Variants in ABCC6 observed in about 807,000 individuals in gnomAD.
The protein encoded by ABCC6 is ATP-binding cassette sub-family C member 6.
ABCC6 carries 126 observed loss-of-function variants against 169.5 expected under a neutral mutation model. That is an observed-to-expected ratio of 0.74 (90% CI 0.64 to 0.86). ABCC6 has a LOEUF of 0.86. Among genes scored for constraint, ABCC6 ranks in the 40% least tolerant of loss-of-function variants. The pLI is 0.00. For missense variants in ABCC6, 1,733 were observed against 1,927.2 expected (o/e 0.90, Z 1.89); for synonymous variants, 752 against 814.7 (o/e 0.92, Z 1.31).
At position 16,203,439 on chromosome 16, in the gene ABCC6, G is replaced by A. The variant is rs766579912; in HGVS notation, c.969C>T (p.Val323=). Residue 323 remains valine (V), a synonymous_variant, in exon 8 of 31, where the codon GTC becomes GTT. Transcript: ENST00000205557. ...GCAGCTTGGGGACAGTGAACCTGAAGACATCACTGATGATGAGGCTGAGGG... is the reference window on the plus strand; with the variant it reads ...GCAGCTTGGGGACAGTGAACCTGAAAACATCACTGATGATGAGGCTGAGGG... ...LGTLSLIISD[V]FRFTVPKLLS... 2.5e-6 allele frequency: 4 copies of A among 1,613,934 alleles called. No homozygotes were observed. The highest frequency in any genetic ancestry group is 2.2e-5 in the East Asian group (1 of 44,876).
In ABCC6 at chr16:16,150,603, G is replaced by A; in HGVS notation, c.4378C>T (p.Leu1460=). ...QCTVLLIAHR[L]RSVMDCARVL... is the part of the protein sequence containing the mutation. Reference sequence around the variant, plus strand: ...CGGGCACAGTCCATCACGGAGCGCAGGCGGTGGGCAATGAGCAGCACAGTG... The same window carrying A: ...CGGGCACAGTCCATCACGGAGCGCAAGCGGTGGGCAATGAGCAGCACAGTG... Residue 1460 remains leucine, a synonymous_variant, in exon 30 of 31, where the codon CTG becomes TTG. Coordinates refer to ENST00000205557, the MANE Select transcript of ABCC6 (RefSeq NM_001171.6). The A allele has an allele frequency of 6.2e-7, 1 of 1,612,592 alleles. No individual in the cohort carries two copies. Among genetic ancestry groups the A allele is most frequent in the Middle Eastern group, 1.7e-4 (1 of 5,970 alleles).
rs1445629925 is a variant in ABCC6 at position 16,187,221 on chromosome 16, C to A, written c.1780-10G>T. ...CAAAGGACACCCGGGCCTAGGAAAA[C>A]CGAAGCCGCAGGTCACCCAGCAAGA... On this transcript the variant is annotated splice_polypyrimidine_tract_variant and intron_variant, in intron 13 of 30. Coordinates refer to ENST00000205557, the MANE Select transcript of ABCC6 (RefSeq NM_001171.6). 3 of 1,611,808 alleles carry A rather than the reference C, an allele frequency of 1.9e-6. No homozygotes were observed. Among genetic ancestry groups the A allele is most frequent in the Non-Finnish European group, 2.5e-6 (3 of 1,178,978 alleles).
At chr16:16,191,795 C>CTTCCTCTCCTCCTTTCCTT (rs2047867857) in intron 11 of ABCC6, among the ~76,000 whole-genome samples, 1 of 150,768 alleles carries the variant, frequency 6.6e-6, no homozygotes, top group Non-Finnish European at 1.5e-5. Flanking sequence ...TCCCCTCCCT[C>CTTCCTCTCCTCCTTTCCTT]CTTCCTCTCC....
Position 16,155,004 on chromosome 16 carries a change from C to T in ABCC6, c.3910G>A (p.Gly1304Arg). The T allele has an allele frequency of 1.3e-6, 2 of 1,563,716 alleles. No individual in the cohort carries two copies. The highest frequency in any genetic ancestry group is 8.7e-7 in the Non-Finnish European group (1 of 1,154,598). ...KVGIVGRTGAGKSSLASGLLR... is the reference protein window; with the variant it reads ...KVGIVGRTGARKSSLASGLLR... ...AGCCCACTGGCCAGGGAGGACTTCC[C>T]TGCCCCGGTCCTGCCAACGATGCCC... The change falls in exon 28 of 31, where the codon GGG (glycine) becomes AGG (arginine). Residue 1304 changes from glycine to arginine, a missense_variant. Physicochemically the swap from Gly to Arg is moderately radical, Grantham distance 125. Transcript: ENST00000205557.
intron 3 of ABCC6, 63 bp downstream of exon 3, chr16:16,219,759 C>T: frequency 1.0e-6 from 1 of 968,370 alleles, no homozygotes; most frequent in Non-Finnish European, 1.6e-6. Context: ...CCCTTGTTCT[C>T]CACTGTGGCA....
chr16:16,192,769 C>G, intron 11 of ABCC6, 61 bp downstream of exon 11: 1 of 1,498,762 alleles, frequency 6.7e-7, no homozygotes, highest in Non-Finnish European at 9.2e-7. Context: ...ATCTCCCACA[C>G]CAGGACCTGT....
intron 4 of ABCC6, among the ~76,000 whole-genome samples, chr16:16,215,975 A>G (rs2048857596): frequency 1.3e-5 from 2 of 152,006 alleles, no homozygotes; most frequent in Non-Finnish European, 1.5e-5. Flanking sequence ...GCTGGAGTGC[A>G]GTGGCTTGAT....
At chr16:16,168,183 G>A (rs372231905) in intron 22 of ABCC6, among the ~76,000 whole-genome samples, 12 of 8,232 alleles carry the variant, frequency 1.5e-3, no homozygotes, top group African/African-American at 2.3e-3. Flanking sequence ...ATGAAAACGA[G>A]GCAACTGTCC....
Position 16,190,193 on chromosome 16 carries a change from G to C in ABCC6, c.1606C>G (p.Leu536Val), listed in dbSNP as rs770172306. Residue 536 changes from leucine (L) to valine (V), a missense_variant, in exon 12 of 31, where the codon CTG becomes GTG. By Grantham distance (32) the Leu-to-Val change is conservative. This residue lies in a region of ABCC6 where 1,601 missense variants were observed against 1,635.5 expected (regional missense o/e 0.98). Coordinates refer to ENST00000205557, the MANE Select transcript of ABCC6 (RefSeq NM_001171.6). ...RTSGLLFSVSLVSFQVSTFLV... is the reference protein window; with the variant it reads ...RTSGLLFSVSVVSFQVSTFLV... Reference sequence around the variant, plus strand: ...AATGTAGACACTTGGAAGGACACCAGCGACACAGAGAAGAGGAGGCCGGAG... The same window carrying C: ...AATGTAGACACTTGGAAGGACACCACCGACACAGAGAAGAGGAGGCCGGAG... 2 of 1,613,970 alleles carry C rather than the reference G, an allele frequency of 1.2e-6. No homozygotes were observed. The highest frequency in any genetic ancestry group is 3.3e-4 in the Middle Eastern group (2 of 6,024).
intron 23 of ABCC6, among the ~76,000 whole-genome samples, chr16:16,164,714 T>C (rs1774538877): frequency 1.3e-5 from 2 of 152,294 alleles, no homozygotes; most frequent in Middle Eastern, 3.4e-3. Context: ...TCAGAATTAC[T>C]TGGAGGGTTA....
In ABCC6 at chr16:16,159,536, C is replaced by T. The variant is rs1336561650; in HGVS notation, c.3681G>A (p.Glu1227=). ...TCCGCTCCACTGACACGATGCTGTT[C>T]TCTAGGTCTGTCCAGTTGCGAACAA... ...QWVVRNWTDL[E]NSIVSVERMQ... is the part of the protein sequence containing the mutation. Residue 1227 remains glutamate, a synonymous_variant, in exon 26 of 31, where the codon GAG becomes GAA. Transcript: ENST00000205557. The T allele has an allele frequency of 2.5e-6, 4 of 1,614,064 alleles. No homozygotes were observed. Among genetic ancestry groups the T allele is most frequent in the Admixed American group, 1.7e-5 (1 of 59,996 alleles).
chr16:16,163,188 A>G lies in ABCC6; in HGVS notation c.3311T>C (p.Leu1104Pro), dbSNP rs755052004. 6.2e-7 allele frequency: 1 copy of G among 1,613,144 alleles called. No individual in the cohort carries two copies. Among genetic ancestry groups the G allele is most frequent in the Admixed American group, 1.7e-5 (1 of 59,972 alleles). Reference sequence around the variant, plus strand: ...CAGCTGGCATGAGCTAACCACATACAGGCTCTGAGAAGGATGGATGGGAGA... The same window carrying G: ...CAGCTGGCATGAGCTAACCACATACGGGCTCTGAGAAGGATGGATGGGAGA... ...LFLLYAGFQS[L>P]YVVSSCQLRR... Residue 1104 changes from leucine (L) to proline (P), a missense_variant, in exon 24 of 31, where the codon CTG becomes CCG. Around this residue, in one of 5 missense-constraint regions of ABCC6, gnomAD observed 1,601 missense variants for 1,635.5 expected, o/e 0.98. Coordinates refer to ENST00000205557, the MANE Select transcript of ABCC6 (RefSeq NM_001171.6).
chr16:16,161,449 C>T lies in ABCC6; in HGVS notation c.3622G>A (p.Ala1208Thr), dbSNP rs763146137. Residue 1208 changes from alanine to threonine, a missense_variant, in exon 25 of 31, where the codon GCT (alanine) becomes ACT (threonine). This residue lies in a region of ABCC6 where 1,601 missense variants were observed against 1,635.5 expected (regional missense o/e 0.98). Transcript: ENST00000205557. ...SAGLVGFSVSAALQVTQTLQW... is the reference protein window; with the variant it reads ...SAGLVGFSVSTALQVTQTLQW... ...GATGTGGGGAGTACCTGGAGGGCAGCAGAGACAGAGAAGCCCACGAGGCCA... is the reference window on the plus strand; with the variant it reads ...GATGTGGGGAGTACCTGGAGGGCAGTAGAGACAGAGAAGCCCACGAGGCCA... 2 of 1,613,886 alleles carry T rather than the reference C, an allele frequency of 1.2e-6. No homozygotes were observed. The highest frequency in any genetic ancestry group is 1.7e-6 in the Non-Finnish European group (2 of 1,180,010).
chr16:16,154,625 T>C lies in ABCC6; in HGVS notation c.4208+3A>G, dbSNP rs2046481379. 1.9e-6 allele frequency: 3 copies of C among 1,611,788 alleles called. No homozygotes were observed. The highest frequency in any genetic ancestry group is 2.5e-6 in the Non-Finnish European group (3 of 1,179,944). On this transcript the variant is annotated splice_donor_region_variant and intron_variant, in intron 29 of 30. Transcript: ENST00000205557. ...GGTCCCAGCCATGGTGGGACGACCA[T>C]ACCTCAGGTCCTCGCCTCGGTCAGC...
chr16:16,156,799 C>T (rs531550919), intron 27 of ABCC6, among the ~76,000 whole-genome samples: 5 of 151,694 alleles, frequency 3.3e-5, no homozygotes, highest in South Asian at 2.1e-4. Context: ...AAAAATTAGC[C>T]GGGTGTGGTG....
chr16:16,164,317 C>T (rs879501010), intron 23 of ABCC6, among the ~76,000 whole-genome samples: 2 of 152,120 alleles, frequency 1.3e-5, no homozygotes, highest in African/African-American at 2.4e-5. Context: ...GATGTGTGAG[C>T]CACCATGCCT....
chr16:16,154,447 G>A lies in ABCC6; in HGVS notation c.4208+181C>T, dbSNP rs77166853. 4.9e-3 allele frequency among the ~76,000 whole-genome samples: 743 copies of A among 152,276 alleles called. 6 individuals carry two copies. The highest frequency in any genetic ancestry group is 8.3e-3 in the Non-Finnish European group (566 of 68,012). ...GAAGACTAACTGCTAATTTAGGGGG[G>A]AAAACCTTGGTATTCAGAGACTGTG... is the stretch of plus-strand genomic sequence containing the variant. On this transcript the variant is annotated intron_variant, in intron 29 of 30. Transcript: ENST00000205557.
rs72664223 is a variant in ABCC6, at chr16:16,221,762, CT to C, written c.105del (p.Val37SerfsTer44). ...SLLSLCFLRTAGVWVPPMYLW... is the reference protein window; with the variant it reads ...SLLSLCFLRTXGVWVPPMYLW... ...AGGTACATGGGGGGTACCCAGACCC[CT>C]GCTGTTCTCAGGAAGCACAGGCTCA... On this transcript the variant is annotated frameshift_variant, in exon 2 of 31. Coordinates refer to ENST00000205557, the MANE Select transcript of ABCC6 (RefSeq NM_001171.6). LOFTEE classifies it high-confidence loss of function. The C allele has an allele frequency of 3.1e-6, 5 of 1,613,610 alleles. No individual in the cohort carries two copies. Among genetic ancestry groups the C allele is most frequent in the Admixed American group, 1.7e-5 (1 of 59,952 alleles).
At chr16:16,153,690 C>A (rs1175202878) in intron 29 of ABCC6, among the ~76,000 whole-genome samples, 1 of 151,808 alleles carries the variant, frequency 6.6e-6, no homozygotes, top group East Asian at 1.9e-4. Flanking sequence ...TTTGGGAGGC[C>A]TACGCAAGTT....
Sources: gnomAD v4.1 joint callset for allele counts (sites outside exome capture counted in the v4.1 genomes callset) on GRCh38, gnomAD v4.1.1 for gene constraint, gnomAD v4.1.1 regional missense constraint, MANE v1.5 for transcripts, NCBI Gene and HGNC (gene_info 2026-07-23, HGNC 2026-07-21) for gene names.